The following RAD51 variants were observed in gnomAD, a reference collection of about 807,000 sequenced individuals.
RAD51 encodes the protein DNA repair protein RAD51 homolog 1.
Under a neutral mutation model 41.5 loss-of-function variants are expected in RAD51, and 14 were observed. The ratio of observed to expected loss-of-function variants is 0.34; its 90% CI spans 0.22 to 0.53. The LOEUF is 0.53. Among genes scored for constraint, RAD51 ranks in the 20% least tolerant of loss-of-function variants. The probability of loss-of-function intolerance (pLI) is 0.95; values close to 1 mark genes in which losing one functional copy is unlikely to be tolerated. For synonymous variants in RAD51, 136 were observed against 148.6 expected, an observed-to-expected ratio of 0.92 and a Z score of 0.62; for missense variants, 234 against 422.0, an observed-to-expected ratio of 0.55 and a Z score of 3.90.
At chr15:40,726,451 G>A (rs927976188) in intron 6 of RAD51, among the ~76,000 whole-genome samples, 1 of 151,508 alleles carries the variant, frequency 6.6e-6, no homozygotes, top group Non-Finnish European at 1.5e-5. Flanking sequence ...ATGGGTTTTC[G>A]CCTTGTTGGC....
At chr15:40,707,306 T>G (rs12908284) in intron 4 of RAD51, among the ~76,000 whole-genome samples, 74,087 of 145,200 alleles carry the variant, frequency 0.51, 19,208 homozygotes, top group East Asian at 0.77. Flanking sequence ...CCAATGTCAG[T>G]TTTCTTTCCC....
At chr15:40,713,245 C>CTTTTTTTTTT (rs368095686) in intron 5 of RAD51, among the ~76,000 whole-genome samples, 2 of 127,142 alleles carry the variant, frequency 1.6e-5, no homozygotes, top group Admixed American at 8.7e-5. Context: ...TCTTATTTTC[C>CTTTTTTTTTT]TTTTTTTTTT....
At chr15:40,730,747 C>G (rs548721193) in intron 9 of RAD51, among the ~76,000 whole-genome samples, 1 of 151,736 alleles carries the variant, frequency 6.6e-6, no homozygotes, top group Non-Finnish European at 1.5e-5. Flanking sequence ...TGGTCTCGAT[C>G]TCCTGACCTC....
chr15:40,716,914 G>A (rs1896019589), intron 5 of RAD51, among the ~76,000 whole-genome samples: 1 of 151,802 alleles, frequency 6.6e-6, no homozygotes, highest in African/African-American at 2.4e-5. Flanking sequence ...CACCTGCTTC[G>A]GCCTCCCAAA....
In RAD51 at chr15:40,731,871, G is replaced by A. The variant is rs192004520; in HGVS notation, c.*693G>A. On this transcript the variant is annotated 3_prime_UTR_variant, in exon 10 of 10. Transcript: ENST00000267868. ...AGGCAGGTGGATCGCTTGAGCCCAGGAGTTTTAAGTCCAGCTTGGCCAAGG... is the reference window on the plus strand; with the variant it reads ...AGGCAGGTGGATCGCTTGAGCCCAGAAGTTTTAAGTCCAGCTTGGCCAAGG... The A allele has an allele frequency of 4.7e-6, 1 of 212,576 alleles. No homozygotes were observed. 13.2% of individuals were successfully genotyped at this position (212,576 alleles called of 1,614,324 possible).
chr15:40,723,708 T>C (rs149013374), intron 6 of RAD51, among the ~76,000 whole-genome samples: 8 of 152,272 alleles, frequency 5.3e-5, no homozygotes, highest in Non-Finnish European at 1.0e-4. Flanking sequence ...TTAGGGGTGA[T>C]GAAAATGCTC....
chr15:40,708,290 G>A (rs1347597882), intron 4 of RAD51, among the ~76,000 whole-genome samples: 4 of 144,474 alleles, frequency 2.8e-5, no homozygotes, highest in Non-Finnish European at 6.0e-5. Flanking sequence ...GTGCAGTGGC[G>A]TGATCTCGGC....
chr15:40,720,223 T>A (rs1896202223), intron 6 of RAD51, among the ~76,000 whole-genome samples: 1 of 151,980 alleles, frequency 6.6e-6, no homozygotes. Context: ...GTGACTCTCC[T>A]GCCTCAGCCA....
chr15:40,710,269 A>AG lies in RAD51; in HGVS notation c.435+1153_435+1154insG, dbSNP rs796077446. On this transcript the variant is annotated intron_variant, in intron 5 of 9. Transcript: ENST00000267868. ...AAAAAAAAAAAAAAAAAAAAAAAAA[A>AG]AGAAGAAGAAAAAAAAAAGATCAGG... Among the ~76,000 whole-genome samples the AG allele has an allele frequency of 5.7e-4, 59 of 104,360 alleles. 9 individuals are homozygous for AG. The highest frequency in any genetic ancestry group is 2.6e-3 in the East Asian group (8 of 3,068). 68.5% of individuals were successfully genotyped at this position (104,360 alleles called of 152,430 possible).
intron 3 of RAD51, among the ~76,000 whole-genome samples, chr15:40,703,302 C>G (rs1895118685): frequency 6.6e-6 from 1 of 152,162 alleles, no homozygotes; most frequent in Admixed American, 6.6e-5. Flanking sequence ...TCTCAAAATC[C>G]TGGCCTCAGG....
chr15:40,700,940 G>A (rs1894948645), intron 2 of RAD51, 124 bp from the exon 3 acceptor site: 27 of 1,056,162 alleles, frequency 2.6e-5, no homozygotes, highest in South Asian at 9.7e-5. Flanking sequence ...CCCCCCCAAG[G>A]ATTTCAAGGG....
At chr15:40,710,698 T>C (rs1895663570) in intron 5 of RAD51, among the ~76,000 whole-genome samples, 1 of 152,134 alleles carries the variant, frequency 6.6e-6, no homozygotes, top group Admixed American at 6.6e-5. Flanking sequence ...CAACTCTCAT[T>C]CTTAGCCAAA....
chr15:40,707,083 T>C (rs551717353), intron 4 of RAD51, among the ~76,000 whole-genome samples: 190 of 150,694 alleles, frequency 1.3e-3, no homozygotes, highest in African/African-American at 4.5e-3. Context: ...CTCTGCTTCC[T>C]GGGCTCAAGT....
At chr15:40,696,502 T>A (rs928273195) in intron 1 of RAD51, among the ~76,000 whole-genome samples, 1 of 152,058 alleles carries the variant, frequency 6.6e-6, no homozygotes, top group Non-Finnish European at 1.5e-5. Context: ...CTGGGAGGTA[T>A]AAGCTGCAGT....
intron 4 of RAD51, 105 bp downstream of exon 4, chr15:40,706,399 T>C: frequency 9.9e-7 from 1 of 1,009,934 alleles, no homozygotes; most frequent in East Asian, 2.5e-5. Context: ...TAGATAATGA[T>C]AAAGAGATAG....
At chr15:40,703,620 C>T (rs1485773899) in intron 3 of RAD51, among the ~76,000 whole-genome samples, 1 of 152,120 alleles carries the variant, frequency 6.6e-6, no homozygotes, top group Non-Finnish European at 1.5e-5. Flanking sequence ...TAGAGATGCT[C>T]ACAGGGTTTC....
At chr15:40,714,046 C>A (rs572285817) in intron 5 of RAD51, among the ~76,000 whole-genome samples, 172 of 121,676 alleles carry the variant, frequency 1.4e-3, no homozygotes, top group African/African-American at 5.5e-3. Flanking sequence ...ACCGGCTGTT[C>A]TTGAACTCCT....
Position 40,729,896 on chromosome 15 carries a change from T to C in RAD51, c.818T>C (p.Val273Ala), listed in dbSNP as rs1006483116. Residue 273 changes from valine (V) to alanine (A), a missense_variant, in exon 9 of 10, where the codon GTG becomes GCG. This residue lies in a region of RAD51 where 134 missense variants were observed against 286.5 expected (regional missense o/e 0.47). Transcript: ENST00000267868. ...ATCACTAATCAGGTGGTAGCTCAAG[T>C]GGATGGAGCAGCGATGTTTGCTGCT... ...VVITNQVVAQ[V>A]DGAAMFAADP... The C allele has an allele frequency of 6.2e-7, 1 of 1,614,030 alleles. No homozygotes were observed. The highest frequency in any genetic ancestry group is 1.3e-5 in the African/African-American group (1 of 74,944).
chr15:40,730,338 C>G (rs1896802894), intron 9 of RAD51, among the ~76,000 whole-genome samples: 4 of 151,758 alleles, frequency 2.6e-5, no homozygotes, highest in Admixed American at 2.6e-4. Context: ...AGTGAGGCCT[C>G]TGTCTCTACA....
Sources: allele counts gnomAD v4.1 joint callset (sites outside exome capture counted in the v4.1 genomes callset), GRCh38; gene constraint gnomAD v4.1.1; regional missense constraint gnomAD v4.1.1; transcripts MANE v1.5; gene names NCBI Gene and HGNC (gene_info 2026-07-23, HGNC 2026-07-21).